CIMAP3: variants seen among roughly 807,000 people sequenced by gnomAD.
CIMAP3 encodes ciliary microtubule-associated protein 3.
At chr1:111,335,420 A>T in the CIMAP3 span, among the ~76,000 whole-genome samples, 1 of 152,188 alleles carries the variant, frequency 6.6e-6, no homozygotes, top group Non-Finnish European at 1.5e-5. Context: ...AGGAAGTGCA[A>T]GGGGTCAGGG....
At chr1:111,346,704 G>GTAGAGTAGCCTA in the CIMAP3 span, 3 of 1,603,966 alleles carry the variant, frequency 1.9e-6, no homozygotes, top group Non-Finnish European at 2.6e-6. Flanking sequence ...CTAGAGTAGA[G>GTAGAGTAGCCTA]GGCAGGTAGG....
chr1:111,349,072 C>G, the CIMAP3 span: 1 of 156,968 alleles, frequency 6.4e-6, no homozygotes, highest in East Asian at 1.9e-4. Flanking sequence ...CAAGACAGTA[C>G]CCATAAGGTA....
the CIMAP3 span, among the ~76,000 whole-genome samples, chr1:111,345,227 T>G: frequency 6.6e-5 from 10 of 152,244 alleles, no homozygotes; most frequent in Non-Finnish European, 1.3e-4. Flanking sequence ...TTATTGCAAT[T>G]GTATTTTAAG....
the CIMAP3 span, among the ~76,000 whole-genome samples, chr1:111,344,344 T>C: frequency 6.6e-6 from 1 of 152,336 alleles, no homozygotes; most frequent in African/African-American, 2.4e-5. Flanking sequence ...AACTGTGTTT[T>C]CCAGTTTCCC....
chr1:111,335,127 C>CAAAA, the CIMAP3 span, among the ~76,000 whole-genome samples: 2 of 29,318 alleles, frequency 6.8e-5, no homozygotes, highest in Non-Finnish European at 1.2e-4. Flanking sequence ...GTCTCTGTCT[C>CAAAA]AAAAAAAAAA....
chr1:111,340,481 A>G, the CIMAP3 span, among the ~76,000 whole-genome samples: 3 of 152,032 alleles, frequency 2.0e-5, no homozygotes, highest in East Asian at 5.8e-4. Context: ...AATATCCAGA[A>G]TCTACAATGA....
At chr1:111,352,619 T>A in the CIMAP3 span, 1 of 152,392 alleles carries the variant, frequency 6.6e-6, no homozygotes, top group Non-Finnish European at 1.5e-5. Context: ...TTTAATCTGA[T>A]GACTTAATGA....
the CIMAP3 span, among the ~76,000 whole-genome samples, chr1:111,339,985 A>G: frequency 1.3e-5 from 2 of 151,750 alleles, no homozygotes; most frequent in African/African-American, 2.4e-5. Flanking sequence ...CCAAAACAGC[A>G]TGGTACTGGT....
the CIMAP3 span, among the ~76,000 whole-genome samples, chr1:111,341,568 T>C: frequency 1.3e-5 from 2 of 152,190 alleles, no homozygotes; most frequent in Admixed American, 6.5e-5. Context: ...AGTTTCCTCA[T>C]CTGTAAAATG....
chr1:111,329,638 TCCACCTC>T, the CIMAP3 span, among the ~76,000 whole-genome samples: 17 of 149,800 alleles, frequency 1.1e-4, no homozygotes, highest in African/African-American at 4.2e-4. Flanking sequence ...CACTGCAACC[TCCACCTC>T]CCAGGTTCAA....
At chr1:111,341,176 G>A in the CIMAP3 span, among the ~76,000 whole-genome samples, 1 of 145,540 alleles carries the variant, frequency 6.9e-6, no homozygotes, top group Non-Finnish European at 1.5e-5. Context: ...ATGGACACAG[G>A]AAGGGGAACA....
the CIMAP3 span, chr1:111,347,116 A>G: frequency 1.3e-6 from 2 of 1,498,508 alleles, no homozygotes; most frequent in South Asian, 1.3e-5. Flanking sequence ...CAAGTTTCCA[A>G]GTTTCGTAAA....
chr1:111,326,687 T>C, the CIMAP3 span, among the ~76,000 whole-genome samples: 1 of 152,170 alleles, frequency 6.6e-6, no homozygotes, highest in South Asian at 2.1e-4. Flanking sequence ...ATAGTAGTTA[T>C]AATAATTTCC....
chr1:111,348,557 T>C, the CIMAP3 span: 1 of 1,611,820 alleles, frequency 6.2e-7, no homozygotes, highest in Non-Finnish European at 8.5e-7. Context: ...AAGTAAGTCC[T>C]CAGCAGGAAA....
the CIMAP3 span, chr1:111,351,289 C>T: frequency 1.9e-5 from 31 of 1,590,386 alleles, no homozygotes; most frequent in Middle Eastern, 6.8e-4. Context: ...TAGAAAGCAT[C>T]GGAACCGTGT....
At chr1:111,331,322 G>T in the CIMAP3 span, among the ~76,000 whole-genome samples, 1 of 151,998 alleles carries the variant, frequency 6.6e-6, no homozygotes, top group African/African-American at 2.4e-5. Context: ...CTTCACTTCT[G>T]CAATGCCCAT....
the CIMAP3 span, among the ~76,000 whole-genome samples, chr1:111,331,208 T>G: frequency 7.9e-3 from 1,204 of 152,294 alleles, 15 homozygotes; most frequent in African/African-American, 0.027. Context: ...TGGAATCAAT[T>G]TAGCATTCTT....
At chr1:111,328,567 C>G in the CIMAP3 span, among the ~76,000 whole-genome samples, 1 of 152,050 alleles carries the variant, frequency 6.6e-6, no homozygotes, top group Non-Finnish European at 1.5e-5. Flanking sequence ...GAAAGTTAGG[C>G]CTTCTTATTG....
chr1:111,340,753 T>C, the CIMAP3 span, among the ~76,000 whole-genome samples: 1 of 152,098 alleles, frequency 6.6e-6, no homozygotes, highest in Admixed American at 6.5e-5. Context: ...TTTTACACTG[T>C]TGGTGGGACT....
Sources: allele counts gnomAD v4.1 joint callset (sites outside exome capture counted in the v4.1 genomes callset), GRCh38; gene constraint gnomAD v4.1.1; transcripts MANE v1.5; gene names NCBI Gene and HGNC (gene_info 2026-07-23, HGNC 2026-07-21).